PCSK2: variants seen among roughly 807,000 people sequenced by gnomAD.
PCSK2 encodes the protein proprotein convertase subtilisin/kexin type 2.
Under a neutral mutation model 69.7 loss-of-function variants are expected in PCSK2, and 14 were observed. The observed-to-expected ratio is 0.20, with a 90% CI of 0.13 to 0.31. PCSK2 has a LOEUF of 0.31. Ranked by LOEUF, PCSK2 falls within the 10% of genes least tolerant of loss-of-function variation. The pLI is 1.00. For missense variants in PCSK2, 544 were observed against 842.5 expected, an observed-to-expected ratio of 0.65 and a Z score of 4.39; for synonymous variants, 307 against 320.7, an observed-to-expected ratio of 0.96 and a Z score of 0.46.
At chr20:17,436,644 A>G in intron 7 of PCSK2, 64 bp from the exon 8 acceptor site, 1 of 1,440,532 alleles carries the variant, frequency 6.9e-7, no homozygotes, top group Non-Finnish European at 9.6e-7. Flanking sequence ...GCCCTCCTCC[A>G]CCTCCTTGTC....
chr20:17,435,372 T>C (rs942064544), intron 7 of PCSK2, among the ~76,000 whole-genome samples: 2 of 152,074 alleles, frequency 1.3e-5, no homozygotes, highest in African/African-American at 4.8e-5. Flanking sequence ...CGCAAATAAG[T>C]AGTTGCGATA....
In PCSK2 at chr20:17,480,411, G is replaced by A. The variant is rs188450942; in HGVS notation, c.1431-1173G>A. Among the ~76,000 whole-genome samples, 587 of 151,848 alleles carry A rather than the reference G, an allele frequency of 3.9e-3. 4 individuals are homozygous for A. The highest frequency in any genetic ancestry group is 0.014 in the African/African-American group (563 of 41,408). On this transcript the variant is annotated intron_variant, in intron 11 of 11. Transcript: ENST00000262545. Reference sequence around the variant, plus strand: ...TCGCCATGTTAGCCATGATGGTCTCGATCTCCTGACCTCATGATCCGCCCG... The same window carrying A: ...TCGCCATGTTAGCCATGATGGTCTCAATCTCCTGACCTCATGATCCGCCCG...
At chr20:17,469,933 C>T (rs180809330) in intron 11 of PCSK2, among the ~76,000 whole-genome samples, 188 of 152,178 alleles carry the variant, frequency 1.2e-3, no homozygotes, top group African/African-American at 4.2e-3. Flanking sequence ...GAAACACCCA[C>T]CTAGTGGGTG....
rs1044388477 is a variant in PCSK2 at position 17,227,169 on chromosome 20, C to T, written c.-137C>T. 3 of 615,820 alleles carry T rather than the reference C, an allele frequency of 4.9e-6. No individual in the cohort carries two copies. The South Asian group carries it at 6.3e-5, about 13-fold the overall frequency. 38.1% of individuals were successfully genotyped at this position (615,820 alleles called of 1,614,324 possible). ...ACACTGATTCGCTGCTTTCCAAGAC[C>T]CTGTTCAGTCTCTTTCTCTATACAA... On this transcript the variant is annotated 5_prime_UTR_variant, in exon 1 of 12. Coordinates refer to ENST00000262545, the MANE Select transcript of PCSK2 (RefSeq NM_002594.5).
chr20:17,309,710 C>G (rs1006456608), intron 2 of PCSK2, among the ~76,000 whole-genome samples: 6 of 151,854 alleles, frequency 4.0e-5, no homozygotes, highest in African/African-American at 1.5e-4. Context: ...CCCTGCTACT[C>G]GGGAGGATGA....
intron 9 of PCSK2, among the ~76,000 whole-genome samples, chr20:17,455,020 C>A (rs761595908): frequency 5.9e-5 from 9 of 152,116 alleles, no homozygotes; most frequent in Non-Finnish European, 8.8e-5. Flanking sequence ...CAGAAGGGGG[C>A]TTTGACCCCT....
chr20:17,268,103 T>A (rs1987705126), intron 2 of PCSK2, among the ~76,000 whole-genome samples: 1 of 149,104 alleles, frequency 6.7e-6, no homozygotes, highest in Non-Finnish European at 1.5e-5. Flanking sequence ...CTAAAAATGA[T>A]TATATGTGTA....
chr20:17,301,210 T>C (rs1989071295), intron 2 of PCSK2, among the ~76,000 whole-genome samples: 3 of 152,200 alleles, frequency 2.0e-5, no homozygotes, highest in Non-Finnish European at 4.4e-5. Flanking sequence ...TAGGATAAAA[T>C]TTCCAGCACT....
chr20:17,441,026 G>A (rs973963047), intron 8 of PCSK2, among the ~76,000 whole-genome samples: 3 of 152,166 alleles, frequency 2.0e-5, no homozygotes, highest in African/African-American at 7.2e-5. Flanking sequence ...GCGGTCACGG[G>A]GCTAGGCCAC....
chr20:17,416,578 T>A (rs778036349), intron 6 of PCSK2, among the ~76,000 whole-genome samples: 3 of 149,382 alleles, frequency 2.0e-5, no homozygotes, highest in African/African-American at 7.3e-5. Flanking sequence ...TTGGTGGGAG[T>A]GTAAATTGGT....
chr20:17,307,280 C>A (rs145401576), intron 2 of PCSK2, among the ~76,000 whole-genome samples: 452 of 152,258 alleles, frequency 3.0e-3, no homozygotes, highest in African/African-American at 0.01. Context: ...GCTCTAAAAT[C>A]ATAGATGAAG....
intron 2 of PCSK2, among the ~76,000 whole-genome samples, chr20:17,342,143 C>T (rs138803185): frequency 6.6e-6 from 1 of 151,594 alleles, no homozygotes; most frequent in Non-Finnish European, 1.5e-5. Flanking sequence ...AGGTGTGTGT[C>T]ACACCCAGCA....
At chr20:17,479,136 C>T in intron 11 of PCSK2, 3 of 1,361,472 alleles carry the variant, frequency 2.2e-6, no homozygotes, top group Non-Finnish European at 2.1e-6. Flanking sequence ...TGGTCCAGTT[C>T]TCCCATCTTA....
At chr20:17,268,659 C>A (rs1356583439) in intron 2 of PCSK2, among the ~76,000 whole-genome samples, 1 of 152,126 alleles carries the variant, frequency 6.6e-6, no homozygotes, top group East Asian at 1.9e-4. Flanking sequence ...AAAAATAAAG[C>A]AAGATCATGG....
intron 2 of PCSK2, among the ~76,000 whole-genome samples, chr20:17,344,879 C>A (rs927950791): frequency 6.6e-6 from 1 of 152,058 alleles, no homozygotes; most frequent in Admixed American, 6.5e-5. Flanking sequence ...ATTTCAGTAG[C>A]ATTTCTCCCT....
intron 2 of PCSK2, among the ~76,000 whole-genome samples, chr20:17,289,201 T>C (rs925748671): frequency 6.6e-6 from 1 of 152,222 alleles, no homozygotes; most frequent in African/African-American, 2.4e-5. Flanking sequence ...CCTTGTTAGA[T>C]TAGTCAATAT....
chr20:17,479,763 C>T (rs1279706293), intron 11 of PCSK2, among the ~76,000 whole-genome samples: 2 of 139,018 alleles, frequency 1.4e-5, no homozygotes, highest in Non-Finnish European at 3.0e-5. Context: ...CGCCACTGCA[C>T]TCCAGCCTGG....
rs1425441576 is a variant in PCSK2, at chr20:17,227,089, C to G, written c.-217C>G. 2 of 553,908 alleles carry G rather than the reference C, an allele frequency of 3.6e-6. No homozygotes were observed. Among genetic ancestry groups the G allele is most frequent in the Non-Finnish European group, 6.4e-6 (2 of 313,526 alleles). 34.3% of individuals were successfully genotyped at this position (553,908 alleles called of 1,614,324 possible). A position where few individuals can be genotyped will look rare whatever the true frequency, so the allele number is the denominator to read the frequency against. ...CTCCCCACATTCGCACCCCTGCCCG[C>G]GCGCCGGGCCGCCTGACTGCACGGC... On this transcript the variant is annotated 5_prime_UTR_variant, in exon 1 of 12. Transcript: ENST00000262545.
intron 11 of PCSK2, 53 bp downstream of exon 11, chr20:17,465,606 G>C: frequency 9.2e-7 from 1 of 1,087,314 alleles, no homozygotes; most frequent in Non-Finnish European, 1.3e-6. Context: ...CCCTGAGATG[G>C]CTCCATGGCA....
Sources: gnomAD v4.1 joint callset for allele counts (sites outside exome capture counted in the v4.1 genomes callset) on GRCh38, gnomAD v4.1.1 for gene constraint, MANE v1.5 for transcripts, NCBI Gene and HGNC (gene_info 2026-07-23, HGNC 2026-07-21) for gene names.